The following ADK variants were observed in gnomAD, a reference collection of about 807,000 sequenced individuals.
The protein encoded by ADK is N6,N6-dimethyladenosine kinase.
A neutral mutation model predicts 44.7 loss-of-function variants in ADK; 24 were observed. The observed-to-expected ratio is 0.54, with a 90% CI of 0.39 to 0.76. The LOEUF (loss-of-function observed/expected upper bound fraction) is 0.76, where lower values mean the gene tolerates loss of function less well. Among genes scored for constraint, ADK ranks in the 30% least tolerant of loss-of-function variants. ADK has a pLI of 0.00. For synonymous variants in ADK, 128 were observed against 142.6 expected, an observed-to-expected ratio of 0.90 and a Z score of 0.73; for missense variants, 321 against 425.1, an observed-to-expected ratio of 0.76 and a Z score of 2.15.
chr10:74,482,049 C>T (rs1279509947), intron 6 of ADK, among the ~76,000 whole-genome samples: 1 of 152,148 alleles, frequency 6.6e-6, no homozygotes, highest in Non-Finnish European at 1.5e-5. Flanking sequence ...GTTATTTAAA[C>T]AAATTTTAAG....
chr10:74,285,790 T>C (rs1847141357), intron 3 of ADK, among the ~76,000 whole-genome samples: 1 of 152,162 alleles, frequency 6.6e-6, no homozygotes, highest in Non-Finnish European at 1.5e-5. Flanking sequence ...AGAGGTGGAA[T>C]TGAAGGTTAT....
intron 6 of ADK, among the ~76,000 whole-genome samples, chr10:74,474,700 G>A (rs919817311): frequency 7.2e-5 from 11 of 151,956 alleles, no homozygotes; most frequent in African/African-American, 2.7e-4. Context: ...GTGTTTGCAT[G>A]TGTATGTAGA....
chr10:74,588,355 A>G (rs1044978129), intron 7 of ADK, among the ~76,000 whole-genome samples: 1 of 152,102 alleles, frequency 6.6e-6, no homozygotes, highest in Non-Finnish European at 1.5e-5. Flanking sequence ...TAAACCAATT[A>G]AGGTTTATAC....
At chr10:74,166,702 G>A (rs28705900) in intron 1 of ADK, among the ~76,000 whole-genome samples, 99 of 140,156 alleles carry the variant, frequency 7.1e-4, no homozygotes, top group East Asian at 1.3e-3. Flanking sequence ...AAAAAAAAAA[G>A]AAAAAAAAAA....
intron 6 of ADK, among the ~76,000 whole-genome samples, chr10:74,493,400 C>T (rs1042077225): frequency 6.8e-6 from 1 of 147,872 alleles, no homozygotes; most frequent in Non-Finnish European, 1.5e-5. Flanking sequence ...CACATACATA[C>T]ATACACACAT....
intron 3 of ADK, among the ~76,000 whole-genome samples, chr10:74,300,119 T>C (rs1348758523): frequency 1.3e-5 from 2 of 150,498 alleles, no homozygotes; most frequent in Non-Finnish European, 2.9e-5. Context: ...CCTGGACTCA[T>C]GTGATCCTCC....
At chr10:74,431,293 G>C (rs553217745) in intron 6 of ADK, among the ~76,000 whole-genome samples, 1 of 152,224 alleles carries the variant, frequency 6.6e-6, no homozygotes, top group East Asian at 1.9e-4. Context: ...CCAATAGATT[G>C]CCTTATTTAT....
chr10:74,523,770 C>A (rs1322266154), intron 6 of ADK, among the ~76,000 whole-genome samples: 5 of 152,146 alleles, frequency 3.3e-5, no homozygotes, highest in Non-Finnish European at 5.9e-5. Flanking sequence ...TGACTCTTTT[C>A]TTCTTTGCCT....
chr10:74,490,816 G>T (rs1326428618), intron 6 of ADK, among the ~76,000 whole-genome samples: 3 of 152,090 alleles, frequency 2.0e-5, no homozygotes, highest in Non-Finnish European at 2.9e-5. Context: ...CCTCTAGTTT[G>T]AAAATTGTAT....
chr10:74,516,667 G>C (rs1249265682), intron 6 of ADK: 1 of 152,330 alleles, frequency 6.6e-6, no homozygotes, highest in East Asian at 1.9e-4. Flanking sequence ...GGGACTACAG[G>C]CACCCACCAC....
intron 4 of ADK, among the ~76,000 whole-genome samples, chr10:74,349,138 G>A (rs1008667280): frequency 6.6e-6 from 1 of 152,010 alleles, no homozygotes; most frequent in Non-Finnish European, 1.5e-5. Flanking sequence ...TGAAATGAAG[G>A]AAAAAATGTT....
chr10:74,198,396 A>C (rs1313550507), intron 1 of ADK, among the ~76,000 whole-genome samples: 1 of 152,236 alleles, frequency 6.6e-6, no homozygotes, highest in Non-Finnish European at 1.5e-5. Context: ...ATTCAGCCAT[A>C]GTTGCTCAAT....
At chr10:74,315,897 T>G (rs1840601015) in intron 4 of ADK, among the ~76,000 whole-genome samples, 1 of 152,154 alleles carries the variant, frequency 6.6e-6, no homozygotes, top group African/African-American at 2.4e-5. Flanking sequence ...TTGTTTTTGG[T>G]AAAACATCCT....
rs1328174452 is a variant in ADK at position 74,220,074 on chromosome 10, T to C, written c.141-4464T>C. On this transcript the variant is annotated intron_variant, in intron 2 of 10. Transcript: ENST00000539909. ...AAAAACCGTTCAAAAAATTAATGAA[T>C]CCAGGAGCTGGTTTTTTGAAAGGAT... is the stretch of plus-strand genomic sequence containing the variant. Among the ~76,000 whole-genome samples, 5 of 151,804 alleles carry C rather than the reference T, an allele frequency of 3.3e-5. No homozygotes were observed. The East Asian group carries it at 9.7e-4, about 29-fold the overall frequency.
chr10:74,201,682 ATC>A (rs1843396637), intron 2 of ADK, among the ~76,000 whole-genome samples: 1 of 39,158 alleles, frequency 2.6e-5, no homozygotes, highest in Non-Finnish European at 5.6e-5. Context: ...GTATGTATCT[ATC>A]TATCTATCTA....
At chr10:74,249,455 T>TGA (rs1403316139) in intron 3 of ADK, among the ~76,000 whole-genome samples, 1 of 151,692 alleles carries the variant, frequency 6.6e-6, no homozygotes, top group African/African-American at 2.4e-5. Flanking sequence ...AGAAAGAAAT[T>TGA]GAGATGTTAT....
intron 7 of ADK, among the ~76,000 whole-genome samples, chr10:74,567,137 T>G (rs755207561): frequency 2.0e-5 from 3 of 152,226 alleles, no homozygotes; most frequent in Non-Finnish European, 2.9e-5. Flanking sequence ...CCAGGACTCT[T>G]TCTTTTTATC....
chr10:74,405,468 T>C (rs1368643066), intron 6 of ADK, among the ~76,000 whole-genome samples: 1 of 152,096 alleles, frequency 6.6e-6, no homozygotes, highest in East Asian at 1.9e-4. Context: ...CCCATTCTTT[T>C]TTTTTAGATT....
At chr10:74,296,834 T>G (rs1191125314) in intron 3 of ADK, among the ~76,000 whole-genome samples, 1 of 152,096 alleles carries the variant, frequency 6.6e-6, no homozygotes, top group East Asian at 1.9e-4. Context: ...CAGGATGGTC[T>G]TGATCTCCTG....
Sources: gnomAD v4.1 joint callset for allele counts (sites outside exome capture counted in the v4.1 genomes callset) on GRCh38, gnomAD v4.1.1 for gene constraint, MANE v1.5 for transcripts, NCBI Gene and HGNC (gene_info 2026-07-23, HGNC 2026-07-21) for gene names.